Variants in NRXN1 observed in about 807,000 individuals in gnomAD.
NRXN1 encodes the protein neurexin-1.
Under a neutral mutation model 150.9 loss-of-function variants are expected in NRXN1, and 39 were observed. The observed-to-expected ratio is 0.26, with a 90% confidence interval of 0.20 to 0.34. The LOEUF (loss-of-function observed/expected upper bound fraction) is 0.34. Among genes scored for constraint, NRXN1 ranks in the 10% least tolerant of loss-of-function variants. NRXN1 has a pLI of 1.00. For synonymous variants in NRXN1, 924 were observed against 757.0 expected, an observed-to-expected ratio of 1.22 and a Z score of -3.62; for missense variants, 1,815 against 1,949.9, an observed-to-expected ratio of 0.93 and a Z score of 1.30.
At position 50,497,721 on chromosome 2, in the gene NRXN1, G is replaced by C. The variant is rs369071366; in HGVS notation, c.2498-7C>G. On this transcript the variant is annotated splice_region_variant and splice_polypyrimidine_tract_variant and intron_variant, in intron 13 of 22. Coordinates refer to ENST00000401669, the MANE Select transcript of NRXN1 (RefSeq NM_001330078.2). ...TGATCACCTGCCATTTGACCTAAAAGAGAAGATAATATATGATTATTTTCT... is the reference window on the plus strand; with the variant it reads ...TGATCACCTGCCATTTGACCTAAAACAGAAGATAATATATGATTATTTTCT... 1.9e-6 allele frequency: 3 copies of C among 1,599,752 alleles called. No individual in the cohort carries two copies. The highest frequency in any genetic ancestry group is 2.6e-6 in the Non-Finnish European group (3 of 1,171,934).
chr2:49,959,967 T>C (rs1675636067), intron 21 of NRXN1, among the ~76,000 whole-genome samples: 1 of 152,224 alleles, frequency 6.6e-6, no homozygotes, highest in Non-Finnish European at 1.5e-5. Context: ...CAAATGTATT[T>C]TTTTTCCTGA....
intron 13 of NRXN1, among the ~76,000 whole-genome samples, chr2:50,501,491 T>A (rs1274684857): frequency 1.3e-5 from 2 of 150,752 alleles, no homozygotes; most frequent in African/African-American, 4.9e-5. Flanking sequence ...GAAATGAAAA[T>A]CATCAACAAA....
At chr2:50,835,851 T>A (rs1158415038) in intron 5 of NRXN1, among the ~76,000 whole-genome samples, 2 of 152,190 alleles carry the variant, frequency 1.3e-5, no homozygotes, top group East Asian at 3.9e-4. Context: ...CCTTACAAAC[T>A]AGGTTGTCTT....
intron 17 of NRXN1, among the ~76,000 whole-genome samples, chr2:50,429,277 G>A (rs2084755898): frequency 6.6e-6 from 1 of 151,744 alleles, no homozygotes; most frequent in East Asian, 1.9e-4. Flanking sequence ...TTTCTTTTGA[G>A]ACGGAGTCCT....
chr2:50,298,223 T>A (rs977263728), intron 17 of NRXN1, among the ~76,000 whole-genome samples: 1 of 152,126 alleles, frequency 6.6e-6, no homozygotes, highest in African/African-American at 2.4e-5. Flanking sequence ...TCTTTACCAC[T>A]GAAAATTATT....
At chr2:50,089,987 A>T (rs2152695175) in intron 19 of NRXN1, among the ~76,000 whole-genome samples, 1 of 152,292 alleles carries the variant, frequency 6.6e-6, no homozygotes, top group African/African-American at 2.4e-5. Flanking sequence ...AATTGTGGTA[A>T]TTCCCAAGAC....
At chr2:50,336,322 A>G (rs2077187521) in intron 17 of NRXN1, among the ~76,000 whole-genome samples, 1 of 152,222 alleles carries the variant, frequency 6.6e-6, no homozygotes, top group Non-Finnish European at 1.5e-5. Context: ...ATAGTCTAAT[A>G]TAAAAACTCA....
chr2:50,900,642 A>C (rs541481163), intron 5 of NRXN1, among the ~76,000 whole-genome samples: 1 of 152,266 alleles, frequency 6.6e-6, no homozygotes, highest in Admixed American at 6.5e-5. Flanking sequence ...TTAAATAAAT[A>C]GGGCTCTTCA....
At chr2:50,312,471 GT>G (rs1361115240) in intron 17 of NRXN1, among the ~76,000 whole-genome samples, 2 of 151,302 alleles carry the variant, frequency 1.3e-5, no homozygotes, top group Non-Finnish European at 2.9e-5. Context: ...TTTTACACAT[GT>G]TCATAGAACC....
intron 5 of NRXN1, among the ~76,000 whole-genome samples, chr2:50,791,102 C>A (rs1574487009): frequency 1.0e-4 from 14 of 135,172 alleles, no homozygotes; most frequent in Middle Eastern, 3.9e-3. Flanking sequence ...TTTTTTTCAG[C>A]AATAAGTAAA....
intron 18 of NRXN1, among the ~76,000 whole-genome samples, chr2:50,129,377 T>C (rs948071538): frequency 2.6e-5 from 4 of 152,358 alleles, no homozygotes; most frequent in African/African-American, 9.6e-5. Context: ...CTGAGAAGTC[T>C]ACTGCCTTGG....
intron 17 of NRXN1, among the ~76,000 whole-genome samples, chr2:50,428,233 C>T (rs185400052): frequency 2.0e-5 from 3 of 152,128 alleles, no homozygotes; most frequent in East Asian, 1.9e-4. Flanking sequence ...GGCAACACAG[C>T]AAGACCCCCG....
chr2:50,000,669 G>T (rs1329034498), intron 21 of NRXN1, among the ~76,000 whole-genome samples: 1 of 152,136 alleles, frequency 6.6e-6, no homozygotes, highest in Non-Finnish European at 1.5e-5. Flanking sequence ...CTAGATAATA[G>T]TCCCAGAGTC....
intron 21 of NRXN1, among the ~76,000 whole-genome samples, chr2:50,019,973 AGAGAG>A (rs143423236): frequency 0.019 from 893 of 46,178 alleles, 154 homozygotes; most frequent in African/African-American, 0.057. Flanking sequence ...AAAAAAAAAA[AGAGAG>A]AGAGAGAGAC....
At chr2:50,448,448 G>A (rs965923100) in intron 17 of NRXN1, among the ~76,000 whole-genome samples, 1 of 152,180 alleles carries the variant, frequency 6.6e-6, no homozygotes, top group Non-Finnish European at 1.5e-5. Context: ...AGGGGCCCTC[G>A]GAGATGATAA....
At chr2:50,954,877 A>G (rs554316235) in intron 2 of NRXN1, among the ~76,000 whole-genome samples, 1 of 152,318 alleles carries the variant, frequency 6.6e-6, no homozygotes, top group South Asian at 2.1e-4. Context: ...CAACTGGGTC[A>G]GGATGCAGGA....
At chr2:50,310,911 T>A (rs866638979) in intron 17 of NRXN1, among the ~76,000 whole-genome samples, 2 of 152,190 alleles carry the variant, frequency 1.3e-5, no homozygotes, top group African/African-American at 2.4e-5. Context: ...TTTTTCATTA[T>A]TATGTTTCTT....
At chr2:50,656,873 T>A (rs970081870) in intron 5 of NRXN1, among the ~76,000 whole-genome samples, 5 of 152,040 alleles carry the variant, frequency 3.3e-5, no homozygotes, top group African/African-American at 1.2e-4. Flanking sequence ...AGGAAGGCTA[T>A]CCAAGAATAT....
intron 5 of NRXN1, among the ~76,000 whole-genome samples, chr2:50,733,712 T>G (rs1169339121): frequency 1.3e-5 from 2 of 152,156 alleles, no homozygotes; most frequent in Non-Finnish European, 2.9e-5. Flanking sequence ...GATTAATATT[T>G]GATAATACAG....
Sources: allele counts gnomAD v4.1 joint callset (sites outside exome capture counted in the v4.1 genomes callset), GRCh38; gene constraint gnomAD v4.1.1; transcripts MANE v1.5; gene names NCBI Gene and HGNC (gene_info 2026-07-23, HGNC 2026-07-21).